The following MAT1A variants were observed in gnomAD, a reference collection of about 807,000 sequenced individuals.
MAT1A encodes the protein methionine adenosyltransferase 1A.
A neutral mutation model predicts 44.0 loss-of-function variants in MAT1A; 19 were observed. The observed-to-expected ratio is 0.43, with a 90% CI of 0.30 to 0.63. MAT1A has a LOEUF of 0.63. Among genes scored for constraint, MAT1A ranks in the 30% least tolerant of loss-of-function variants. MAT1A has a pLI of 0.12. For synonymous variants in MAT1A, 205 were observed against 205.6 expected (o/e 1.00, Z 0.03); for missense variants, 397 against 531.0 (o/e 0.75, Z 2.48).
chr10:80,287,623 C>T (rs914044224), intron 1 of MAT1A, among the ~76,000 whole-genome samples: 3 of 152,304 alleles, frequency 2.0e-5, no homozygotes, highest in Non-Finnish European at 2.9e-5. Flanking sequence ...GACCACTAGC[C>T]GCTGCATGCC....
chr10:80,287,387 T>C (rs1841662762), intron 1 of MAT1A, among the ~76,000 whole-genome samples: 1 of 152,210 alleles, frequency 6.6e-6, no homozygotes, highest in African/African-American at 2.4e-5. Flanking sequence ...GAAGAAAACC[T>C]TTATCTTTCT....
At chr10:80,285,462 C>T (rs777528501) in intron 2 of MAT1A, 50 bp downstream of exon 2, 1 of 1,476,672 alleles carries the variant, frequency 6.8e-7, no homozygotes, top group East Asian at 2.3e-5. Context: ...ATTAATTTCT[C>T]AGTCTAGCCC....
At chr10:80,288,230 T>C (rs542998697) in intron 1 of MAT1A, among the ~76,000 whole-genome samples, 1 of 152,338 alleles carries the variant, frequency 6.6e-6, no homozygotes, top group East Asian at 1.9e-4. Flanking sequence ...AAGAGGGACT[T>C]AACTATAGAA....
rs7097297 is a variant in MAT1A, at chr10:80,273,482, C to T, written c.*299G>A. On this transcript the variant is annotated 3_prime_UTR_variant, in exon 9 of 9. Coordinates refer to ENST00000372213, the MANE Select transcript of MAT1A (RefSeq NM_000429.3). ...GTCAGGGTCCAGCTGTTGGGGGAGACGAGTGAGGGAATTCACTCTTGACGG... is the reference window on the plus strand; with the variant it reads ...GTCAGGGTCCAGCTGTTGGGGGAGATGAGTGAGGGAATTCACTCTTGACGG... 0.018 allele frequency: 7,017 copies of T among 392,188 alleles called. 415 individuals carry two copies. The highest frequency in any genetic ancestry group is 0.13 in the African/African-American group (6,150 of 48,228). 24.3% of individuals were successfully genotyped at this position (392,188 alleles called of 1,614,324 possible).
At position 80,274,600 on chromosome 10, in the gene MAT1A, G is replaced by A. The variant is rs61734474; in HGVS notation, c.1005C>T (p.Tyr335=). Reference sequence around the variant, plus strand: ...CTCGCTCTGTCTTCTGAGAGGTTCCGTAGGTGAAGATGGAAATGGACAGCG... The same window carrying A: ...CTCGCTCTGTCTTCTGAGAGGTTCCATAGGTGAAGATGGAAATGGACAGCG... ...AEPLSISIFT[Y]GTSQKTEREL... The change falls in exon 8 of 9, where the codon TAC becomes TAT. Residue 335 remains tyrosine (Y), a synonymous_variant. Coordinates refer to ENST00000372213, the MANE Select transcript of MAT1A (RefSeq NM_000429.3). 9.0e-4 allele frequency: 1,451 copies of A among 1,614,182 alleles called. 10 individuals carry two copies. The African/African-American group carries it at 0.017, about 19-fold the overall frequency.
intron 5 of MAT1A, among the ~76,000 whole-genome samples, chr10:80,278,054 G>A (rs1195902965): frequency 6.6e-6 from 1 of 152,210 alleles, no homozygotes; most frequent in Non-Finnish European, 1.5e-5. Context: ...CCTCTCTCAT[G>A]GAGGGAGTGT....
chr10:80,277,006 G>C lies in MAT1A; in HGVS notation c.550-412C>G, dbSNP rs188949087. On this transcript the variant is annotated intron_variant, in intron 5 of 8. Transcript: ENST00000372213. ...CAATGATGCAGATAAGAAAGCCAAG[G>C]ATCCAAAATGTAAATGTCTTGGTCA... is the stretch of plus-strand genomic sequence containing the variant. Among the ~76,000 whole-genome samples the C allele has an allele frequency of 5.9e-5, 9 of 152,330 alleles. No homozygotes were observed. In the East Asian group the frequency reaches 1.7e-3, roughly 29 times the overall value.
intron 5 of MAT1A, among the ~76,000 whole-genome samples, chr10:80,277,576 G>A (rs1208719255): frequency 6.6e-6 from 1 of 152,220 alleles, no homozygotes; most frequent in Non-Finnish European, 1.5e-5. Flanking sequence ...CCCTGGGAAA[G>A]GGGCTGGAAT....
intron 1 of MAT1A, among the ~76,000 whole-genome samples, chr10:80,288,689 G>A (rs1216400341): frequency 6.6e-6 from 1 of 152,144 alleles, no homozygotes; most frequent in East Asian, 1.9e-4. Context: ...AGTTGCACAT[G>A]CTTCACATGC....
At chr10:80,279,070 T>G (rs924445778) in intron 5 of MAT1A, among the ~76,000 whole-genome samples, 8 of 152,262 alleles carry the variant, frequency 5.3e-5, no homozygotes, top group African/African-American at 1.7e-4. Flanking sequence ...GCCAGAATAA[T>G]AAGTGGATTT....
At chr10:80,280,096 C>T (rs919974467) in intron 5 of MAT1A, 77 bp downstream of exon 5, 2 of 1,522,060 alleles carry the variant, frequency 1.3e-6, no homozygotes, top group African/African-American at 1.4e-5. Flanking sequence ...TTAAAAATGA[C>T]ACAATCAAGA....
At chr10:80,277,818 T>A (rs1490889880) in intron 5 of MAT1A, among the ~76,000 whole-genome samples, 2 of 152,148 alleles carry the variant, frequency 1.3e-5, no homozygotes, top group Admixed American at 6.5e-5. Flanking sequence ...GCTTATCTCA[T>A]CATGTCAGCA....
intron 4 of MAT1A, 100 bp downstream of exon 4, chr10:80,280,580 G>C: frequency 8.7e-7 from 1 of 1,146,498 alleles, no homozygotes; most frequent in Non-Finnish European, 1.3e-6. Flanking sequence ...CCTGGCTATC[G>C]TGCTAGGACA....
chr10:80,275,944 C>G (rs1343509049), intron 6 of MAT1A, among the ~76,000 whole-genome samples: 1 of 152,216 alleles, frequency 6.6e-6, no homozygotes, highest in Non-Finnish European at 1.5e-5. Context: ...GTCTAAAACA[C>G]CCTGTCCCAC....
Position 80,273,724 on chromosome 10 carries a change from G to A in MAT1A, c.*57C>T, listed in dbSNP as rs960163320. On this transcript the variant is annotated 3_prime_UTR_variant, in exon 9 of 9. Coordinates refer to ENST00000372213, the MANE Select transcript of MAT1A (RefSeq NM_000429.3). ...GATCAGCAGCCAGGCGTCTGGGGAAGAGGAGCATGGCCACCAGGTGCCTCC... is the reference window on the plus strand; with the variant it reads ...GATCAGCAGCCAGGCGTCTGGGGAAAAGGAGCATGGCCACCAGGTGCCTCC... 2 of 1,253,950 alleles carry A rather than the reference G, an allele frequency of 1.6e-6. No homozygotes were observed. The highest frequency in any genetic ancestry group is 3.0e-5 in the African/African-American group (2 of 67,154). 77.7% of individuals were successfully genotyped at this position (1,253,950 alleles called of 1,614,324 possible).
Position 80,285,919 on chromosome 10 carries a change from G to A in MAT1A, c.92-330C>T, listed in dbSNP as rs180763907. Among the ~76,000 whole-genome samples, 654 of 150,752 alleles carry A rather than the reference G, an allele frequency of 4.3e-3. 4 individuals are homozygous for A. Among genetic ancestry groups the A allele is most frequent in the African/African-American group, 0.015 (617 of 40,956 alleles). On this transcript the variant is annotated intron_variant, in intron 1 of 8. Coordinates refer to ENST00000372213, the MANE Select transcript of MAT1A (RefSeq NM_000429.3). ...CGGTTCACTGCAATCTCCACCTCCCGGGTTCAAGCAATCCTCCCACCTCAG... is the reference window on the plus strand; with the variant it reads ...CGGTTCACTGCAATCTCCACCTCCCAGGTTCAAGCAATCCTCCCACCTCAG...
intron 3 of MAT1A, among the ~76,000 whole-genome samples, chr10:80,281,661 C>G (rs2132706913): frequency 6.6e-6 from 1 of 152,344 alleles, no homozygotes; most frequent in South Asian, 2.1e-4. Context: ...TCCTTCCCAT[C>G]TATTCTCCTA....
At chr10:80,280,570 C>G (rs960106841) in intron 4 of MAT1A, 110 bp downstream of exon 4, 2 of 1,112,644 alleles carry the variant, frequency 1.8e-6, no homozygotes, top group Non-Finnish European at 2.8e-6. Context: ...CCAACTCGCT[C>G]CTGGCTATCG....
chr10:80,285,623 A>T (rs1224003842), intron 1 of MAT1A, 34 bp from the exon 2 acceptor site: 1 of 1,372,416 alleles, frequency 7.3e-7, no homozygotes, highest in Non-Finnish European at 1.0e-6. Context: ...AGAATCACAA[A>T]AATATTCGGG....
Sources: allele counts gnomAD v4.1 joint callset (sites outside exome capture counted in the v4.1 genomes callset), GRCh38; gene constraint gnomAD v4.1.1; transcripts MANE v1.5; gene names NCBI Gene and HGNC (gene_info 2026-07-23, HGNC 2026-07-21).